Variants in PDE4D observed in about 807,000 individuals in gnomAD.
The protein encoded by PDE4D is 3',5'-cyclic-AMP phosphodiesterase 4D.
In PDE4D, 24 loss-of-function variants were observed where a neutral mutation model predicts 87.4. The observed-to-expected ratio is 0.27, with a 90% CI of 0.20 to 0.39. The LOEUF is 0.39. Among genes scored for constraint, PDE4D ranks in the 10% least tolerant of loss-of-function variants. The pLI is 1.00. For missense variants in PDE4D, 714 were observed against 1,041.0 expected, an observed-to-expected ratio of 0.69 and a Z score of 4.32; for synonymous variants, 384 against 383.2, an observed-to-expected ratio of 1.00 and a Z score of -0.02.
At chr5:59,829,203 C>A (rs1378268329) in intron 1 of PDE4D, among the ~76,000 whole-genome samples, 1 of 151,830 alleles carries the variant, frequency 6.6e-6, no homozygotes, top group African/African-American at 2.4e-5. Flanking sequence ...ATGCAGGATA[C>A]AGTCACAGGA....
chr5:59,520,529 G>A (rs1476984028), intron 1 of PDE4D, among the ~76,000 whole-genome samples: 1 of 152,166 alleles, frequency 6.6e-6, no homozygotes, highest in Non-Finnish European at 1.5e-5. Flanking sequence ...CATGGGCATT[G>A]TGGTGAGGCA....
chr5:60,292,508 C>A (rs549070251), intron 1 of PDE4D, among the ~76,000 whole-genome samples: 1 of 152,130 alleles, frequency 6.6e-6, no homozygotes, highest in Non-Finnish European at 1.5e-5. Flanking sequence ...ACATCTGAAA[C>A]AATATAAAAC....
At chr5:59,959,742 C>T (rs1759261164) in intron 3 of PDE4D, among the ~76,000 whole-genome samples, 1 of 152,062 alleles carries the variant, frequency 6.6e-6, no homozygotes, top group African/African-American at 2.4e-5. Context: ...TATAAAAATC[C>T]TAGAATAAAA....
chr5:59,056,261 G>A (rs1047030736), intron 5 of PDE4D, among the ~76,000 whole-genome samples: 1 of 152,090 alleles, frequency 6.6e-6, no homozygotes, highest in Non-Finnish European at 1.5e-5. Flanking sequence ...TCTTTCCCCA[G>A]TTCTCCAAAT....
intron 1 of PDE4D, among the ~76,000 whole-genome samples, chr5:59,280,647 A>G (rs1323822005): frequency 6.6e-6 from 1 of 152,128 alleles, no homozygotes; most frequent in Admixed American, 6.6e-5. Flanking sequence ...CATGTAAATA[A>G]TGTAAACAAA....
intron 1 of PDE4D, among the ~76,000 whole-genome samples, chr5:59,888,179 A>G (rs185680646): frequency 6.6e-6 from 1 of 152,346 alleles, no homozygotes; most frequent in African/African-American, 2.4e-5. Context: ...CTACTGCTCC[A>G]CATGTGGGCA....
At chr5:59,363,929 T>C (rs1782634673) in intron 1 of PDE4D, among the ~76,000 whole-genome samples, 1 of 152,164 alleles carries the variant, frequency 6.6e-6, no homozygotes, top group Admixed American at 6.5e-5. Context: ...CTGTCAATGT[T>C]TGTATGCATT....
chr5:60,431,994 G>A (rs1400406469), intron 1 of PDE4D, among the ~76,000 whole-genome samples: 1 of 152,210 alleles, frequency 6.6e-6, no homozygotes, highest in East Asian at 1.9e-4. Flanking sequence ...ATCAGGCAGG[G>A]AGGTTGCAGT....
intron 1 of PDE4D, among the ~76,000 whole-genome samples, chr5:59,347,000 G>T (rs1779718799): frequency 2.0e-5 from 3 of 152,072 alleles, no homozygotes; most frequent in Admixed American, 1.3e-4. Flanking sequence ...GGCAGAAGGA[G>T]TTTTGTTGCT....
At chr5:59,982,912 C>T (rs2916860) in intron 3 of PDE4D, among the ~76,000 whole-genome samples, 131,172 of 152,218 alleles carry the variant, frequency 0.86, 56,581 homozygotes, top group East Asian at 0.97. Context: ...ATAGGAGTTG[C>T]AGTTTTTGAT....
intron 1 of PDE4D, among the ~76,000 whole-genome samples, chr5:60,316,359 T>G (rs1455437896): frequency 6.6e-6 from 1 of 152,202 alleles, no homozygotes; most frequent in Non-Finnish European, 1.5e-5. Context: ...TTGCTGAAGT[T>G]GCCTATCAGC....
rs191628747 is a variant in PDE4D, at chr5:59,306,413, A to G, written c.456-90445T>C. ...CAATGTCAGTATCGAAATGTGAGGT[A>G]CCATTGCATTCATCATGCTCTTTGT... On this transcript the variant is annotated intron_variant, in intron 1 of 14. Transcript: ENST00000340635. Among the ~76,000 whole-genome samples the G allele has an allele frequency of 6.2e-4, 95 of 152,286 alleles. 1 individual carries two copies. The highest frequency in any genetic ancestry group is 1.8e-3 in the African/African-American group (73 of 41,564).
intron 2 of PDE4D, among the ~76,000 whole-genome samples, chr5:60,076,042 T>C (rs916512466): frequency 2.6e-5 from 4 of 152,216 alleles, no homozygotes; most frequent in Non-Finnish European, 5.9e-5. Flanking sequence ...TTAAGAACTC[T>C]TACTGGAGAA....
intron 5 of PDE4D, among the ~76,000 whole-genome samples, chr5:59,157,535 C>T (rs768828596): frequency 2.0e-5 from 3 of 152,174 alleles, no homozygotes; most frequent in Non-Finnish European, 4.4e-5. Context: ...AGAGGACCAG[C>T]TCCTGATCAT....
intron 1 of PDE4D, among the ~76,000 whole-genome samples, chr5:60,214,273 C>T (rs1288661908): frequency 6.6e-6 from 1 of 152,186 alleles, no homozygotes; most frequent in Non-Finnish European, 1.5e-5. Context: ...GAAATACACA[C>T]AAACTCAATT....
intron 1 of PDE4D, among the ~76,000 whole-genome samples, chr5:59,308,336 T>TA (rs1425565264): frequency 6.0e-5 from 9 of 148,870 alleles, no homozygotes; most frequent in South Asian, 2.1e-4. Flanking sequence ...AATAATAATT[T>TA]AAAAAAAAAA....
chr5:60,014,457 G>A (rs769647369), intron 2 of PDE4D, among the ~76,000 whole-genome samples: 3 of 152,252 alleles, frequency 2.0e-5, no homozygotes, highest in South Asian at 2.1e-4. Context: ...AATGGTCTCT[G>A]ATCAAATCAA....
intron 1 of PDE4D, among the ~76,000 whole-genome samples, chr5:60,344,504 G>A (rs1257283236): frequency 1.3e-5 from 2 of 152,204 alleles, no homozygotes; most frequent in East Asian, 3.9e-4. Flanking sequence ...TGACCAAAAT[G>A]AAGGACCCAT....
At chr5:59,802,735 T>C (rs1326110922) in intron 1 of PDE4D, among the ~76,000 whole-genome samples, 6 of 152,054 alleles carry the variant, frequency 3.9e-5, no homozygotes, top group African/African-American at 1.2e-4. Context: ...GAATTCATTT[T>C]ATCAGTATGT....
Sources: allele counts gnomAD v4.1 joint callset (sites outside exome capture counted in the v4.1 genomes callset), GRCh38; gene constraint gnomAD v4.1.1; transcripts MANE v1.5; gene names NCBI Gene and HGNC (gene_info 2026-07-23, HGNC 2026-07-21).